The following CNKSR2 variants were observed in gnomAD, a reference collection of about 807,000 sequenced individuals.
The protein encoded by CNKSR2 is CNK homolog protein 2.
In CNKSR2, 14 loss-of-function variants were observed where a neutral mutation model predicts 84.4. The observed-to-expected ratio is 0.17, with a 90% CI of 0.11 to 0.26. The LOEUF (loss-of-function observed/expected upper bound fraction) is 0.26, where lower values mean the gene tolerates loss of function less well. Among genes scored for constraint, CNKSR2 ranks in the 10% least tolerant of loss-of-function variants. CNKSR2 has a pLI of 1.00. For missense variants in CNKSR2, 485 were observed against 771.2 expected (o/e 0.63, Z 4.40); for synonymous variants, 275 against 277.9 (o/e 0.99, Z 0.10).
chrX:21,584,559 A>G (rs1601981866), intron 13 of CNKSR2, among the ~76,000 whole-genome samples: 1 of 112,490 alleles, frequency 8.9e-6, no homozygotes, highest in East Asian at 2.8e-4. Flanking sequence ...TATTGAGGGC[A>G]ATTGGGATAA....
chrX:21,550,083 C>G (rs2092071124), intron 11 of CNKSR2, among the ~76,000 whole-genome samples: 1 of 111,914 alleles, frequency 8.9e-6, no homozygotes, highest in Non-Finnish European at 1.9e-5. Context: ...TCTAATTGAA[C>G]TAAAGAGCTT....
chrX:21,438,567 A>G (rs978527035), intron 3 of CNKSR2, among the ~76,000 whole-genome samples: 4 of 111,789 alleles, frequency 3.6e-5, no homozygotes, highest in Non-Finnish European at 7.5e-5. Flanking sequence ...ATATCTAAGA[A>G]GAAAATATAA....
At chrX:21,414,937 TG>T (rs1163289838) in intron 1 of CNKSR2, among the ~76,000 whole-genome samples, 1 of 111,768 alleles carries the variant, frequency 8.9e-6, no homozygotes. Context: ...AGCACCATGC[TG>T]TCTTGTTTAC....
chrX:21,644,080 T>C (rs1294711231), intron 20 of CNKSR2: 1 of 112,015 alleles, frequency 8.9e-6, no homozygotes, highest in Non-Finnish European at 1.9e-5. Context: ...ATGCAAATGT[T>C]AGTTGCCTTT....
intron 11 of CNKSR2, among the ~76,000 whole-genome samples, chrX:21,554,997 ATCTG>A (rs1431423140): frequency 9.5e-6 from 1 of 105,597 alleles, no homozygotes; most frequent in Non-Finnish European, 1.9e-5. Flanking sequence ...CCTCACCAAC[ATCTG>A]TCTTTCTTTT....
At chrX:21,410,898 T>TTG (rs907489297) in intron 1 of CNKSR2, among the ~76,000 whole-genome samples, 76 of 102,693 alleles carry the variant, frequency 7.4e-4, no homozygotes, top group Middle Eastern at 5.0e-3. Flanking sequence ...GTGTGTGTGT[T>TTG]TGTGTGTGTG....
chrX:21,385,383 T>C (rs757348432), intron 1 of CNKSR2, among the ~76,000 whole-genome samples: 4 of 112,215 alleles, frequency 3.6e-5, no homozygotes, highest in East Asian at 2.8e-4. Context: ...TAAGCACATA[T>C]AAATGTCAAC....
chrX:21,404,897 C>T (rs997065476), intron 1 of CNKSR2, among the ~76,000 whole-genome samples: 65 of 108,643 alleles, frequency 6.0e-4, no homozygotes, highest in African/African-American at 2.1e-3. Context: ...GGGTAATTTT[C>T]CCCTCACTTA....
At chrX:21,402,573 A>G (rs7892578) in intron 1 of CNKSR2, among the ~76,000 whole-genome samples, 58 of 111,184 alleles carry the variant, frequency 5.2e-4, no homozygotes, top group African/African-American at 1.8e-3. Context: ...GTTGACATTT[A>G]ATTAGCTCCT....
intron 20 of CNKSR2, among the ~76,000 whole-genome samples, chrX:21,621,747 G>T (rs2092602674): frequency 1.8e-5 from 2 of 110,269 alleles, no homozygotes; most frequent in African/African-American, 3.3e-5. Flanking sequence ...ACTGCCCAGG[G>T]TTTTCCTCTT....
chrX:21,625,383 A>G (rs1427381279), intron 20 of CNKSR2, among the ~76,000 whole-genome samples: 1 of 112,293 alleles, frequency 8.9e-6, no homozygotes, highest in Non-Finnish European at 1.9e-5. Context: ...ACACATAGCA[A>G]TAAAGCTGTA....
chrX:21,649,037 G>GA lies in CNKSR2; in HGVS notation c.2889+13dup, dbSNP rs756410730. The GA allele has an allele frequency of 8.8e-7, 1 of 1,132,799 alleles. No individual in the cohort carries two copies. Among genetic ancestry groups the GA allele is most frequent in the Non-Finnish European group, 1.2e-6 (1 of 836,500 alleles). The allele number at this position is 1,132,799 out of a possible 1,213,427, so 93.4% of individuals were successfully genotyped here. A position where few individuals can be genotyped will look rare whatever the true frequency, so the allele number is the denominator to read the frequency against. On this transcript the variant is annotated intron_variant, in intron 21 of 21. Coordinates refer to ENST00000379510, the MANE Select transcript of CNKSR2 (RefSeq NM_014927.5). ...CAAAAGCACTTTAAAGGTAAGACAAGAAATGGAAGGACAAATTTCTTTGAA... is the reference window on the plus strand; with the variant it reads ...CAAAAGCACTTTAAAGGTAAGACAAGAAAATGGAAGGACAAATTTCTTTGAA...
chrX:21,629,370 C>T (rs186123882), intron 20 of CNKSR2, among the ~76,000 whole-genome samples: 10 of 112,170 alleles, frequency 8.9e-5, no homozygotes, highest in African/African-American at 1.9e-4. Flanking sequence ...TCTTTTCAGC[C>T]GTGCCCCACT....
At chrX:21,470,907 G>T in intron 5 of CNKSR2, 100 bp downstream of exon 5, 1 of 371,217 alleles carries the variant, frequency 2.7e-6, no homozygotes, top group Non-Finnish European at 4.8e-6. Context: ...GACCACATCA[G>T]TTAAGTGTAT....
chrX:21,491,555 C>A (rs1406682132), intron 6 of CNKSR2: 6 of 111,642 alleles, frequency 5.4e-5, no homozygotes, highest in Admixed American at 1.9e-4. Context: ...GGCCATCTAT[C>A]CTAGAGAGTA....
intron 15 of CNKSR2, chrX:21,593,184 A>G (rs779436703): frequency 8.9e-6 from 1 of 111,986 alleles, no homozygotes; most frequent in African/African-American, 3.2e-5. Flanking sequence ...AAATATTTAC[A>G]TTATGAATGT....
intron 20 of CNKSR2, among the ~76,000 whole-genome samples, chrX:21,629,751 G>T (rs2092639368): frequency 1.8e-5 from 2 of 112,300 alleles, no homozygotes; most frequent in Non-Finnish European, 3.8e-5. Flanking sequence ...CCATATCAAT[G>T]TGTAAAGTAA....
At chrX:21,432,031 C>T (rs2090639947) in intron 2 of CNKSR2, among the ~76,000 whole-genome samples, 1 of 111,506 alleles carries the variant, frequency 9.0e-6, no homozygotes, top group African/African-American at 3.3e-5. Context: ...TATTAGTTCC[C>T]CTGAGGAAGC....
chrX:21,622,884 T>G (rs766255261), intron 20 of CNKSR2, among the ~76,000 whole-genome samples: 3 of 111,730 alleles, frequency 2.7e-5, no homozygotes, highest in African/African-American at 9.7e-5. Context: ...TTTATAGAAA[T>G]TGATTCAACT....
Sources: gnomAD v4.1 joint callset for allele counts (sites outside exome capture counted in the v4.1 genomes callset) on GRCh38, gnomAD v4.1.1 for gene constraint, MANE v1.5 for transcripts, NCBI Gene and HGNC (gene_info 2026-07-23, HGNC 2026-07-21) for gene names.